The following DPY19L1 variants were observed in gnomAD, a reference collection of about 807,000 sequenced individuals.
DPY19L1 encodes protein C-mannosyl-transferase DPY19L1.
DPY19L1 carries 35 observed loss-of-function variants against 96.9 expected under a neutral mutation model. The observed-to-expected ratio is 0.36, with a 90% CI of 0.28 to 0.48. The LOEUF is 0.48. Among genes scored for constraint, DPY19L1 ranks in the 20% least tolerant of loss-of-function variants. The pLI, the probability that DPY19L1 is intolerant of heterozygous loss-of-function variation, is 0.99. For missense variants in DPY19L1, 521 were observed against 777.9 expected (o/e 0.67, Z 3.93); for synonymous variants, 205 against 252.6 (o/e 0.81, Z 1.79).
At position 34,930,753 on chromosome 7, in the gene DPY19L1, A is replaced by G. The variant is rs1783735860; in HGVS notation, c.*820T>C. 6.6e-6 allele frequency: 1 copy of G among 152,212 alleles called. No homozygotes were observed. Among genetic ancestry groups the G allele is most frequent in the Non-Finnish European group, 1.5e-5 (1 of 68,032 alleles). The allele number at this position is 152,212 out of a possible 1,614,324, so 9.4% of individuals were successfully genotyped here. On this transcript the variant is annotated 3_prime_UTR_variant, in exon 22 of 22. Transcript: ENST00000638088. ...GGTTTAAAGGTATTAAAATATAAAC[A>G]TTTGAATAATGCTAAAAATGAGAAA...
intron 1 of DPY19L1, among the ~76,000 whole-genome samples, chr7:35,026,318 AG>A (rs1786119216): frequency 1.3e-5 from 2 of 152,192 alleles, no homozygotes; most frequent in Non-Finnish European, 2.9e-5. Flanking sequence ...CATTTTAACA[AG>A]ATGCCTGAGG....
At chr7:34,965,411 T>A (rs1316395684) in intron 10 of DPY19L1, among the ~76,000 whole-genome samples, 1 of 152,154 alleles carries the variant, frequency 6.6e-6, no homozygotes, top group Non-Finnish European at 1.5e-5. Flanking sequence ...TTACAAAGAA[T>A]GTGAACATTT....
At chr7:34,994,621 T>C (rs1785243239) in intron 6 of DPY19L1, among the ~76,000 whole-genome samples, 1 of 151,826 alleles carries the variant, frequency 6.6e-6, no homozygotes, top group African/African-American at 2.4e-5. Flanking sequence ...CTGGCTAACA[T>C]GGTGAAAACC....
At position 34,969,979 on chromosome 7, in the gene DPY19L1, G is replaced by A. The variant is rs116367615; in HGVS notation, c.915-447C>T. Among the ~76,000 whole-genome samples the A allele has an allele frequency of 8.2e-3, 1,253 of 152,310 alleles. 21 individuals carry two copies. Among genetic ancestry groups the A allele is most frequent in the African/African-American group, 0.029 (1,200 of 41,552 alleles). ...TGAGAGAGATTTTGTAAGCATGTGA[G>A]ATAAAAAGTTGGGTCTGGCACAGGT... On this transcript the variant is annotated intron_variant, in intron 8 of 21. Coordinates refer to ENST00000638088, the MANE Select transcript of DPY19L1 (RefSeq NM_001366673.1).
chr7:35,034,865 A>C (rs1350687870), intron 1 of DPY19L1, among the ~76,000 whole-genome samples: 1 of 152,248 alleles, frequency 6.6e-6, no homozygotes, highest in Non-Finnish European at 1.5e-5. Context: ...TGGAAAACCA[A>C]ACAGCTATTT....
chr7:35,023,833 CTT>C (rs755619806), intron 1 of DPY19L1, among the ~76,000 whole-genome samples: 24 of 111,816 alleles, frequency 2.1e-4, no homozygotes, highest in African/African-American at 5.1e-4. Flanking sequence ...CTTTTCTTTT[CTT>C]TTTTTTTTTT....
At chr7:34,965,034 A>C (rs1426327799) in intron 10 of DPY19L1, among the ~76,000 whole-genome samples, 1 of 152,168 alleles carries the variant, frequency 6.6e-6, no homozygotes. Flanking sequence ...ATAAGCTGCT[A>C]TATATTGCTG....
chr7:35,006,585 T>C (rs1247747993), intron 6 of DPY19L1, among the ~76,000 whole-genome samples: 1 of 152,128 alleles, frequency 6.6e-6, no homozygotes, highest in Non-Finnish European at 1.5e-5. Flanking sequence ...TCTTATGAAA[T>C]ACATAACGTA....
intron 1 of DPY19L1, among the ~76,000 whole-genome samples, chr7:35,035,996 G>T (rs1786388192): frequency 6.6e-6 from 1 of 151,830 alleles, no homozygotes; most frequent in Admixed American, 6.6e-5. Flanking sequence ...GGCTTGAATC[G>T]GCAATGGGGG....
At position 35,019,590 on chromosome 7, in the gene DPY19L1, AAG is replaced by A. The variant is rs930760554; in HGVS notation, c.299-996_299-995del. On this transcript the variant is annotated intron_variant, in intron 1 of 21. Transcript: ENST00000638088. The stretch of plus-strand genomic sequence containing the variant: ...GGAGAAGGAAGAGGAAAGAAGGAAG[AAG>A]AGAGGAGGAAGGAAGAATAAGGAGG... 5.7e-3 allele frequency among the ~76,000 whole-genome samples: 869 copies of A among 152,172 alleles called. 9 individuals carry two copies. Among genetic ancestry groups the A allele is most frequent in the African/African-American group, 0.019 (809 of 41,526 alleles).
intron 3 of DPY19L1, 46 bp downstream of exon 3, chr7:35,017,833 GTTT>G (rs759511475): frequency 1.5e-5 from 21 of 1,390,560 alleles, no homozygotes; most frequent in Non-Finnish European, 1.9e-5. Context: ...AATATTAAAT[GTTT>G]TTAAATTCCT....
intron 12 of DPY19L1, 40 bp from the exon 13 acceptor site, chr7:34,954,818 T>C: frequency 9.3e-7 from 1 of 1,079,308 alleles, no homozygotes; most frequent in Non-Finnish European, 1.4e-6. Flanking sequence ...ATGCTTCATA[T>C]TCCACAGACA....
At chr7:35,032,363 C>A (rs1462089774) in intron 1 of DPY19L1, among the ~76,000 whole-genome samples, 1 of 152,064 alleles carries the variant, frequency 6.6e-6, no homozygotes, top group Non-Finnish European at 1.5e-5. Context: ...CAGATTCCCC[C>A]CACGTGGTAA....
intron 6 of DPY19L1, among the ~76,000 whole-genome samples, chr7:34,999,991 G>A (rs111332912): frequency 5.9e-5 from 9 of 152,120 alleles, no homozygotes; most frequent in African/African-American, 2.2e-4. Flanking sequence ...AAGACAGATG[G>A]GGCAAGGGAC....
At chr7:35,019,609 A>C (rs1486444168) in intron 1 of DPY19L1, among the ~76,000 whole-genome samples, 1 of 152,192 alleles carries the variant, frequency 6.6e-6, no homozygotes, top group African/African-American at 2.4e-5. Flanking sequence ...GGAAGGAAGA[A>C]TAAGGAGGAA....
rs1584193598 is a variant in DPY19L1 at position 34,931,466 on chromosome 7, A to T, written c.*107T>A. On this transcript the variant is annotated 3_prime_UTR_variant, in exon 22 of 22. Coordinates refer to ENST00000638088, the MANE Select transcript of DPY19L1 (RefSeq NM_001366673.1). ...GACCAAATAAAACGTTTTCTATTTG[A>T]AAACAGTTACCTATAAAAGTTTTTG... 2 of 1,314,088 alleles carry T rather than the reference A, an allele frequency of 1.5e-6. No homozygotes were observed. The highest frequency in any genetic ancestry group is 9.9e-7 in the Non-Finnish European group (1 of 1,007,368). 81.4% of individuals were successfully genotyped at this position (1,314,088 alleles called of 1,614,324 possible). A position where few individuals can be genotyped will look rare whatever the true frequency, so the allele number is the denominator to read the frequency against.
chr7:34,971,173 G>A (rs1452776494), intron 8 of DPY19L1, among the ~76,000 whole-genome samples: 4 of 152,060 alleles, frequency 2.6e-5, no homozygotes. Context: ...TAAAGGAAAT[G>A]GCTGCTCTTC....
intron 1 of DPY19L1, among the ~76,000 whole-genome samples, chr7:35,035,152 G>A (rs1253359430): frequency 6.6e-6 from 1 of 152,200 alleles, no homozygotes; most frequent in African/African-American, 2.4e-5. Flanking sequence ...GCCTCATGCA[G>A]AGGGTTAACA....
rs1783745309 is a variant in DPY19L1, at chr7:34,931,184, G to GAAGC, written c.*385_*388dup. ...AGACAAGAGCAAGAGGCAGAAAAAA[G>GAAGC]AAGCAAGGGGCATTAATAGTTCTTA... On this transcript the variant is annotated 3_prime_UTR_variant, in exon 22 of 22. Transcript: ENST00000638088. The GAAGC allele has an allele frequency of 6.5e-6, 1 of 154,672 alleles. No homozygotes were observed. Among genetic ancestry groups the GAAGC allele is most frequent in the Non-Finnish European group, 1.4e-5 (1 of 69,806 alleles). 9.6% of individuals were successfully genotyped at this position (154,672 alleles called of 1,614,324 possible).
Sources: gnomAD v4.1 joint callset for allele counts (sites outside exome capture counted in the v4.1 genomes callset) on GRCh38, gnomAD v4.1.1 for gene constraint, MANE v1.5 for transcripts, NCBI Gene and HGNC (gene_info 2026-07-23, HGNC 2026-07-21) for gene names.